The following RAB11FIP1 variants were observed in gnomAD, a reference collection of about 807,000 sequenced individuals.
RAB11FIP1 encodes the protein rab11 family-interacting protein 1.
Under a neutral mutation model 83.1 loss-of-function variants are expected in RAB11FIP1, and 49 were observed. That is an observed-to-expected ratio of 0.59 (90% CI 0.47 to 0.75). RAB11FIP1 has a LOEUF of 0.75. RAB11FIP1 is among the 30% of genes least tolerant of loss of function. RAB11FIP1 has a pLI of 0.00. For synonymous variants in RAB11FIP1, 670 were observed against 656.0 expected (o/e 1.02, Z -0.33); for missense variants, 1,536 against 1,598.7 (o/e 0.96, Z 0.67).
Position 37,875,852 on chromosome 8 carries a change from C to T in RAB11FIP1, c.815-530G>A, listed in dbSNP as rs79572619. Among the ~76,000 whole-genome samples the T allele has an allele frequency of 4.3e-3, 651 of 152,194 alleles. 4 individuals carry two copies. The highest frequency in any genetic ancestry group is 0.014 in the African/African-American group (569 of 41,524). On this transcript the variant is annotated intron_variant, in intron 2 of 5. Coordinates refer to ENST00000330843, the MANE Select transcript of RAB11FIP1 (RefSeq NM_001002814.3). ...ACTTGGAAGACACTCATTCTGTTAG[C>T]TCTAAAAGCTTGTACTAGTGGACAT...
At chr8:37,881,644 A>G (rs1403700609) in intron 1 of RAB11FIP1, among the ~76,000 whole-genome samples, 3 of 152,178 alleles carry the variant, frequency 2.0e-5, no homozygotes, top group African/African-American at 7.2e-5. Context: ...TATAACCTCA[A>G]TCCAGAGCTG....
At chr8:37,881,685 C>G (rs776944548) in intron 1 of RAB11FIP1, among the ~76,000 whole-genome samples, 1 of 152,046 alleles carries the variant, frequency 6.6e-6, no homozygotes, top group African/African-American at 2.4e-5. Flanking sequence ...TGTTGCAAGA[C>G]GCAAGGTCTT....
Position 37,886,157 on chromosome 8 carries a change from G to A in RAB11FIP1, c.372-8606C>T, listed in dbSNP as rs554782558. 6.6e-5 allele frequency among the ~76,000 whole-genome samples: 10 copies of A among 152,264 alleles called. No homozygotes were observed. The South Asian group carries it at 2.1e-3, about 32-fold the overall frequency. ...ACATGCCAGACGCTGGAAATACAGA[G>A]AATGAGGAGGACTAAAAAGCTTTCC... On this transcript the variant is annotated intron_variant, in intron 1 of 5. Transcript: ENST00000330843.
intron 4 of RAB11FIP1, chr8:37,871,007 G>C: frequency 2.3e-6 from 1 of 425,830 alleles, no homozygotes; most frequent in Non-Finnish European, 4.2e-6. Flanking sequence ...TAAGATACTG[G>C]TGGCATTGCG....
At chr8:37,863,313 T>C (rs1806281380) in intron 5 of RAB11FIP1, among the ~76,000 whole-genome samples, 200 bp from the exon 6 acceptor site, 1 of 152,132 alleles carries the variant, frequency 6.6e-6, no homozygotes, top group Non-Finnish European at 1.5e-5. Context: ...TGGCGCGATC[T>C]CAGCTCACTG....
intron 1 of RAB11FIP1, among the ~76,000 whole-genome samples, chr8:37,892,109 C>T (rs531045482): frequency 1.3e-5 from 2 of 152,338 alleles, no homozygotes; most frequent in Admixed American, 1.3e-4. Context: ...ACTTTCAACA[C>T]CAAGCTCTCC....
At chr8:37,879,746 T>C (rs1283252439) in intron 1 of RAB11FIP1, among the ~76,000 whole-genome samples, 3 of 151,888 alleles carry the variant, frequency 2.0e-5, no homozygotes, top group Non-Finnish European at 4.4e-5. Flanking sequence ...AGCCGGGTGT[T>C]GTGCCACATG....
intron 5 of RAB11FIP1, among the ~76,000 whole-genome samples, chr8:37,864,400 G>C (rs1806302623): frequency 6.6e-6 from 1 of 152,216 alleles, no homozygotes; most frequent in Non-Finnish European, 1.5e-5. Flanking sequence ...CATGTTTAAA[G>C]AATCAAGATG....
rs750827611 is a variant in RAB11FIP1, at chr8:37,874,773, G to A, written c.1364C>T (p.Pro455Leu). 48 of 1,614,160 alleles carry A rather than the reference G, an allele frequency of 3.0e-5. No individual in the cohort carries two copies. The highest frequency in any genetic ancestry group is 3.8e-5 in the Non-Finnish European group (45 of 1,180,026). Residue 455 changes from proline to leucine, a missense_variant, in exon 3 of 6, where the codon CCT becomes CTT. Pro to Leu is a moderately conservative substitution (Grantham distance 98, BLOSUM62 -3). Coordinates refer to ENST00000330843, the MANE Select transcript of RAB11FIP1 (RefSeq NM_001002814.3). ...DVAKGSEGEN[P>L]LTVPGREKEG... ...CTTCTCCCTCCCTGGGACCGTGAGA[G>A]GGTTTTCACCTTCACTGCCCTTAGC...
intron 5 of RAB11FIP1, among the ~76,000 whole-genome samples, chr8:37,864,153 C>T (rs770322045): frequency 6.6e-5 from 10 of 152,364 alleles, no homozygotes; most frequent in East Asian, 5.8e-4. Context: ...CGTCTAGGCA[C>T]GCCCTTGGGT....
chr8:37,867,517 C>G (rs778220292), intron 5 of RAB11FIP1, among the ~76,000 whole-genome samples: 2 of 151,818 alleles, frequency 1.3e-5, no homozygotes, highest in Admixed American at 1.3e-4. Flanking sequence ...CCAGCCTGAC[C>G]GACATGGTAG....
chr8:37,889,143 C>T (rs975124846), intron 1 of RAB11FIP1, among the ~76,000 whole-genome samples: 1 of 152,096 alleles, frequency 6.6e-6, no homozygotes, highest in Admixed American at 6.6e-5. Context: ...TTATGGACCC[C>T]TTCAGGGTTT....
rs1382362950 is a variant in RAB11FIP1 at position 37,871,610 on chromosome 8, T to C, written c.3192A>G (p.Lys1064=). ...PHLGKSSSLD[K]QLPGPSGGEE... is the part of the protein sequence containing the mutation. The stretch of plus-strand genomic sequence containing the variant: ...CACCACCACTGGGGCCTGGCAGCTG[T>C]TTATCCAAGCTTGAGCTCTTGCCAA... Residue 1064 remains lysine, a synonymous_variant, in exon 4 of 6, where the codon AAA becomes AAG. Coordinates refer to ENST00000330843, the MANE Select transcript of RAB11FIP1 (RefSeq NM_001002814.3). 6.2e-7 allele frequency: 1 copy of C among 1,604,436 alleles called. No individual in the cohort carries two copies.
chr8:37,876,426 T>G (rs1806611583), intron 2 of RAB11FIP1, among the ~76,000 whole-genome samples: 1 of 151,684 alleles, frequency 6.6e-6, no homozygotes, highest in Non-Finnish European at 1.5e-5. Flanking sequence ...AGACCTCATC[T>G]CTAAAAAAAA....
intron 1 of RAB11FIP1, among the ~76,000 whole-genome samples, chr8:37,884,953 G>A (rs962117514): frequency 6.6e-6 from 1 of 151,856 alleles, no homozygotes; most frequent in Admixed American, 6.6e-5. Context: ...ATAGTGCCTG[G>A]GATTACAGGT....
intron 5 of RAB11FIP1, among the ~76,000 whole-genome samples, chr8:37,868,332 G>C (rs1039606937): frequency 6.6e-6 from 1 of 151,056 alleles, no homozygotes; most frequent in African/African-American, 2.4e-5. Context: ...TGAGGTGGGA[G>C]AATCCCTTGA....
intron 1 of RAB11FIP1, among the ~76,000 whole-genome samples, chr8:37,881,606 C>G (rs996163896): frequency 6.6e-6 from 1 of 152,058 alleles, no homozygotes; most frequent in Non-Finnish European, 1.5e-5. Context: ...AATTTTGGAC[C>G]CTTAGGAGAC....
At position 37,860,620 on chromosome 8, in the gene RAB11FIP1, T is replaced by C. The variant is rs538928730; in HGVS notation, c.*2275A>G. The C allele has an allele frequency of 7.2e-5, 11 of 152,696 alleles. No individual in the cohort carries two copies. In the East Asian group the frequency reaches 1.9e-3, roughly 27 times the overall value. The allele number at this position is 152,696 out of a possible 1,614,324, so 9.5% of individuals were successfully genotyped here. On this transcript the variant is annotated 3_prime_UTR_variant, in exon 6 of 6. Coordinates refer to ENST00000330843, the MANE Select transcript of RAB11FIP1 (RefSeq NM_001002814.3). The stretch of plus-strand genomic sequence containing the variant: ...CCTCAGCCTCCCAAAGTGCTGGGAT[T>C]ACAGGCGTGAGCCACCGCGTCCAGC...
At chr8:37,891,974 C>T (rs1806955334) in intron 1 of RAB11FIP1, among the ~76,000 whole-genome samples, 1 of 152,132 alleles carries the variant, frequency 6.6e-6, no homozygotes, top group Non-Finnish European at 1.5e-5. Context: ...TTCACTTCAA[C>T]AGAAATCTCC....
Sources: gnomAD v4.1 joint callset for allele counts (sites outside exome capture counted in the v4.1 genomes callset) on GRCh38, gnomAD v4.1.1 for gene constraint, MANE v1.5 for transcripts, NCBI Gene and HGNC (gene_info 2026-07-23, HGNC 2026-07-21) for gene names.